FBN3: variants seen among roughly 807,000 people sequenced by gnomAD.
FBN3 encodes fibrillin 3, also known as fibrillin-3.
FBN3 carries 234 observed loss-of-function variants against 330.1 expected under a neutral mutation model. That is an observed-to-expected ratio of 0.71 (90% CI 0.64 to 0.79). The LOEUF (loss-of-function observed/expected upper bound fraction) is 0.79. Ranked by LOEUF, FBN3 falls within the 30% of genes least tolerant of loss-of-function variation. FBN3 has a pLI of 0.00. For synonymous variants in FBN3, 1,458 were observed against 1,517.3 expected, an observed-to-expected ratio of 0.96 and a Z score of 0.91; for missense variants, 3,606 against 3,886.9, an observed-to-expected ratio of 0.93 and a Z score of 1.92.
intron 59 of FBN3, among the ~76,000 whole-genome samples, chr19:8,080,585 C>T (rs1599279577): frequency 6.6e-6 from 1 of 152,222 alleles, no homozygotes; most frequent in Admixed American, 6.5e-5. Flanking sequence ...TCTGATCACC[C>T]CCATGTCCCC....
At chr19:8,135,938 CCA>C in intron 13 of FBN3, 21 bp downstream of exon 13, 3 of 233,810 alleles carry the variant, frequency 1.3e-5, no homozygotes, top group South Asian at 3.4e-5. Flanking sequence ...AAGCCCCTGC[CCA>C]CCCGCCCACC....
intron 61 of FBN3, among the ~76,000 whole-genome samples, chr19:8,074,502 G>T (rs191346661): frequency 1.3e-5 from 2 of 152,230 alleles, no homozygotes; most frequent in Non-Finnish European, 2.9e-5. Context: ...TGGAGGCCGA[G>T]GAGAGGTCTC....
chr19:8,079,134 G>A (rs2081713955), intron 59 of FBN3, among the ~76,000 whole-genome samples: 1 of 152,128 alleles, frequency 6.6e-6, no homozygotes, highest in African/African-American at 2.4e-5. Flanking sequence ...TCAGGAGGCT[G>A]AGGTGGGAGG....
rs921068015 is a variant in FBN3 at position 8,115,601 on chromosome 19, T to G, written c.3752A>C (p.His1251Pro). The G allele has an allele frequency of 4.3e-6, 7 of 1,613,858 alleles. No individual in the cohort carries two copies. The African/African-American group carries it at 6.7e-5, about 15-fold the overall frequency. ...ECDLNPHICL[H>P]GDCENTKGSF... ...ACCCTTCGTGTTCTCGCAGTCCCCA[T>G]GGAGGCAGATGTGAGGGTTCAGGTC... is the stretch of plus-strand genomic sequence containing the variant. The change falls in exon 30 of 64, where the codon CAT (histidine) becomes CCT (proline). Residue 1251 changes from histidine to proline, a missense_variant. Physicochemically the swap from His to Pro is moderately conservative, Grantham distance 77. Coordinates refer to ENST00000600128, the MANE Select transcript of FBN3 (RefSeq NM_032447.5).
chr19:8,085,319 C>G, intron 56 of FBN3, 44 bp downstream of exon 56: 1 of 1,517,966 alleles, frequency 6.6e-7, no homozygotes, highest in Non-Finnish European at 8.9e-7. Flanking sequence ...GCAAACTCCC[C>G]CGTTTCTTGC....
intron 20 of FBN3, 47 bp from the exon 21 acceptor site, chr19:8,126,394 C>A (rs745446785): frequency 4.3e-5 from 68 of 1,583,584 alleles, no homozygotes; most frequent in Non-Finnish European, 5.7e-5. Flanking sequence ...TTTTCTCATG[C>A]CAGCCCAAGG....
rs769303470 is a variant in FBN3 at position 8,131,746 on chromosome 19, C to T, written c.1798G>A (p.Gly600Arg). Residue 600 changes from glycine (G) to arginine (R), a missense_variant, in exon 15 of 64, where the codon GGG becomes AGG. Coordinates refer to ENST00000600128, the MANE Select transcript of FBN3 (RefSeq NM_032447.5). The surrounding 1 kb of genome is among the most constrained non-coding windows in gnomAD (Gnocchi z 4.5). The stretch of plus-strand genomic sequence containing the variant: ...CCATCCGTGCCTACCGCCAGCCCCC[C>T]CAGGCACTGGCAGCGGAAGGAGCCC... ...TEGSFRCQCL[G>R]GLAVGTDGRV... 10 of 1,613,630 alleles carry T rather than the reference C, an allele frequency of 6.2e-6. No individual in the cohort carries two copies. The highest frequency in any genetic ancestry group is 1.7e-5 in the Admixed American group (1 of 59,982).
At position 8,097,282 on chromosome 19, in the gene FBN3, G is replaced by A; in HGVS notation, c.5287+7C>T. The A allele has an allele frequency of 3.1e-6, 5 of 1,602,764 alleles. No homozygotes were observed. The South Asian group carries it at 4.4e-5, about 14-fold the overall frequency. On this transcript the variant is annotated splice_region_variant and intron_variant, in intron 42 of 63. Coordinates refer to ENST00000600128, the MANE Select transcript of FBN3 (RefSeq NM_032447.5). Reference sequence around the variant, plus strand: ...GCCCCAGGGCTGGGAACAGGGAGAGGTGGCACCTTCACAAGCCAGCAGGAT... The same window carrying A: ...GCCCCAGGGCTGGGAACAGGGAGAGATGGCACCTTCACAAGCCAGCAGGAT...
chr19:8,134,499 G>T (rs2083231557), intron 13 of FBN3, among the ~76,000 whole-genome samples: 1 of 151,968 alleles, frequency 6.6e-6, no homozygotes, highest in Non-Finnish European at 1.5e-5. Flanking sequence ...CATTGCTTGA[G>T]CCCCCCAGGG....
intron 13 of FBN3, among the ~76,000 whole-genome samples, chr19:8,134,583 T>G (rs1174905260): frequency 6.6e-6 from 1 of 152,132 alleles, no homozygotes; most frequent in East Asian, 1.9e-4. Context: ...TTAGTCTGTC[T>G]GCTGGGATAT....
rs531956799 is a variant in FBN3 at position 8,085,397 on chromosome 19, G to A, written c.7053C>T (p.Cys2351=). The change falls in exon 56 of 64, where the codon TGC becomes TGT. Residue 2351 remains cysteine, a synonymous_variant. Coordinates refer to ENST00000600128, the MANE Select transcript of FBN3 (RefSeq NM_032447.5). ...CAGCAGTGTAGCCTGAGCCATGGGG[G>A]CACAGCTTCCTGTAGGCAGAGGTGC... ...LPGTSAYRKL[C]PHGSGYTAEG... is the part of the protein sequence containing the mutation. The A allele has an allele frequency of 9.5e-6, 15 of 1,579,740 alleles. No homozygotes were observed. Among genetic ancestry groups the A allele is most frequent in the South Asian group, 2.3e-5 (2 of 86,628 alleles).
At position 8,072,976 on chromosome 19, in the gene FBN3, T is replaced by TGC; in HGVS notation, c.7937+86_7937+87insGC. ...GCATGCACAAAGCCCCGTGTGTGTG[T>TGC]GTGTGTGTGTGTGTGTGTGTGTGTG... On this transcript the variant is annotated intron_variant, in intron 62 of 63. Coordinates refer to ENST00000600128, the MANE Select transcript of FBN3 (RefSeq NM_032447.5). The TGC allele has an allele frequency of 5.7e-6, 4 of 701,140 alleles. No homozygotes were observed. In the African/African-American group the frequency reaches 1.1e-4, roughly 19 times the overall value. 43.4% of individuals were successfully genotyped at this position (701,140 alleles called of 1,614,324 possible).
chr19:8,097,698 C>T (rs370138722), intron 41 of FBN3, among the ~76,000 whole-genome samples: 5 of 152,268 alleles, frequency 3.3e-5, no homozygotes, highest in South Asian at 4.1e-4. Context: ...TGGCCTTAAG[C>T]GTAAGCAGGA....
At chr19:8,085,220 G>GACACACACAC (rs35473068) in intron 56 of FBN3, 143 bp downstream of exon 56, 22,141 of 541,912 alleles carry the variant, frequency 0.041, 247 homozygotes, top group South Asian at 0.12. Context: ...CTAGCACAAA[G>GACACACACAC]ACACACACAC....
At chr19:8,135,936 G>GGGGGGGGGGGGGGCCCCCCCCCCCCCCCC in intron 13 of FBN3, 25 bp downstream of exon 13, 11 of 668,710 alleles carry the variant, frequency 1.6e-5, no homozygotes, top group Admixed American at 5.8e-5. Context: ...GGAAGCCCCT[G>GGGGGGGGGGGGGGCCCCCCCCCCCCCCCC]CCCACCCGCC....
intron 59 of FBN3, among the ~76,000 whole-genome samples, chr19:8,078,627 C>T (rs2081698866): frequency 6.6e-6 from 1 of 151,358 alleles, no homozygotes; most frequent in Admixed American, 6.6e-5. Flanking sequence ...GTTGCCCAGG[C>T]TGGTCTCAAA....
chr19:8,135,940 A>AGC, intron 13 of FBN3, 21 bp downstream of exon 13: 1 of 168,344 alleles, frequency 5.9e-6, no homozygotes, highest in Non-Finnish European at 1.1e-5. Context: ...GCCCCTGCCC[A>AGC]CCCGCCCACC....
rs556957769 is a variant in FBN3, at chr19:8,081,861, A to G, written c.7214-381T>C. On this transcript the variant is annotated intron_variant, in intron 57 of 63. Coordinates refer to ENST00000600128, the MANE Select transcript of FBN3 (RefSeq NM_032447.5). ...CAAAACACAACTGAAAAATATCAGG[A>G]TGTGCAAAATAAAAGGAAGAAATAA... is the stretch of plus-strand genomic sequence containing the variant. 5.3e-5 allele frequency among the ~76,000 whole-genome samples: 8 copies of G among 151,688 alleles called. No individual in the cohort carries two copies. The East Asian group carries it at 1.6e-3, about 30-fold the overall frequency.
chr19:8,085,218 AAG>A, intron 56 of FBN3, 143 bp downstream of exon 56: 1 of 391,906 alleles, frequency 2.6e-6, no homozygotes. Context: ...TGCTAGCACA[AAG>A]ACACACACAC....
Sources: gnomAD v4.1 joint callset for allele counts (sites outside exome capture counted in the v4.1 genomes callset) on GRCh38, gnomAD v4.1.1 for gene constraint, Gnocchi (gnomAD v3.1) non-coding constraint, MANE v1.5 for transcripts, NCBI Gene and HGNC (gene_info 2026-07-23, HGNC 2026-07-21) for gene names.